The following POC5 variants were observed in gnomAD, a reference collection of about 807,000 sequenced individuals.
POC5 encodes the protein centrosomal protein POC5.
Under a neutral mutation model 62.9 loss-of-function variants are expected in POC5, and 48 were observed. That is an observed-to-expected ratio of 0.76 (90% CI 0.61 to 0.97). POC5 has a LOEUF of 0.97. POC5 is among the 50% of genes least tolerant of loss of function. The pLI is 0.00. For missense variants in POC5, 696 were observed against 679.5 expected (o/e 1.02, Z -0.27); for synonymous variants, 236 against 228.2 (o/e 1.03, Z -0.31).
intron 7 of POC5, 92 bp from the exon 8 acceptor site, chr5:75,690,654 T>G: frequency 9.8e-7 from 1 of 1,024,582 alleles, no homozygotes; most frequent in Non-Finnish European, 1.4e-6. Flanking sequence ...TAAGTGTACA[T>G]ATACACATTA....
At chr5:75,683,277 C>T (rs1035054935) in intron 10 of POC5, among the ~76,000 whole-genome samples, 2 of 151,284 alleles carry the variant, frequency 1.3e-5, no homozygotes, top group Admixed American at 1.3e-4. Context: ...CTGTGTCGCC[C>T]AGGCTGAAGT....
At chr5:75,706,288 A>T (rs915467063) in intron 3 of POC5, among the ~76,000 whole-genome samples, 1 of 152,244 alleles carries the variant, frequency 6.6e-6, no homozygotes, top group African/African-American at 2.4e-5. Flanking sequence ...ATACTTTGCC[A>T]ATTTCCACAT....
intron 5 of POC5, among the ~76,000 whole-genome samples, chr5:75,702,304 A>G (rs1776921182): frequency 6.6e-6 from 1 of 152,182 alleles, no homozygotes; most frequent in African/African-American, 2.4e-5. Context: ...TGTTCACCAC[A>G]TGTATCCCAG....
chr5:75,677,897 T>A lies in POC5; in HGVS notation c.1461A>T (p.Thr487=). 6.2e-7 allele frequency: 1 copy of A among 1,611,598 alleles called. No individual in the cohort carries two copies. Among genetic ancestry groups the A allele is most frequent in the African/African-American group, 1.3e-5 (1 of 74,880 alleles). ...SAQQKAGRTI[T]ARITGRCDFA... ...AATCACATCTTCCTGTGATCCGGGC[T>A]GTAATAGTTCTTCCTGCTTTCTGTT... The change falls in exon 11 of 12, where the codon ACA becomes ACT. Residue 487 remains threonine (T), a synonymous_variant. Coordinates refer to ENST00000428202, the MANE Select transcript of POC5 (RefSeq NM_001099271.2).
intron 10 of POC5, among the ~76,000 whole-genome samples, chr5:75,678,872 C>T (rs749458398): frequency 3.9e-5 from 6 of 152,242 alleles, no homozygotes; most frequent in African/African-American, 1.2e-4. Context: ...AGGAATAACA[C>T]GTAAGTGGAC....
chr5:75,688,992 A>C lies in POC5; in HGVS notation c.1129+20T>G. Reference sequence around the variant, plus strand: ...ATCTTTTTTTGAAATTAGGCAGAGAAACTTTAATGAAATACTAACCTGCAT... The same window carrying C: ...ATCTTTTTTTGAAATTAGGCAGAGACACTTTAATGAAATACTAACCTGCAT... On this transcript the variant is annotated intron_variant, in intron 9 of 11. Coordinates refer to ENST00000428202, the MANE Select transcript of POC5 (RefSeq NM_001099271.2). 1 of 1,522,914 alleles carries C rather than the reference A, an allele frequency of 6.6e-7. No individual in the cohort carries two copies. Among genetic ancestry groups the C allele is most frequent in the Non-Finnish European group, 8.8e-7 (1 of 1,135,118 alleles). 94.3% of individuals were successfully genotyped at this position (1,522,914 alleles called of 1,614,324 possible). A position where few individuals can be genotyped will look rare whatever the true frequency, so the allele number is the denominator to read the frequency against.
Position 75,707,843 on chromosome 5 carries a change from T to C in POC5, c.117A>G (p.Ile39Met), listed in dbSNP as rs187360501. Residue 39 changes from isoleucine (I) to methionine (M), a missense_variant, in exon 3 of 12, where the codon ATA becomes ATG. Physicochemically the swap from Ile to Met is conservative, Grantham distance 10. Transcript: ENST00000428202. ...CACAGGGTTCAATATTTGGAGTCAC[T>C]ATAGCATAATGAAGCAGTTCTTCAT... Reference protein sequence around the residue: ...EEYEELLHYAIVTPNIEPCAS... With the variant: ...EEYEELLHYAMVTPNIEPCAS... 8.2e-6 allele frequency: 13 copies of C among 1,591,678 alleles called. 1 individual carries two copies. The African/African-American group carries it at 1.6e-4, about 20-fold the overall frequency.
chr5:75,694,605 A>G, intron 6 of POC5, 50 bp downstream of exon 6: 1 of 1,315,486 alleles, frequency 7.6e-7, no homozygotes, highest in Non-Finnish European at 1.0e-6. Flanking sequence ...TTTATTATCT[A>G]GCAAGACATT....
intron 5 of POC5, among the ~76,000 whole-genome samples, chr5:75,700,474 T>A (rs1776821795): frequency 6.6e-6 from 1 of 151,866 alleles, no homozygotes; most frequent in Admixed American, 6.6e-5. Context: ...GAGGAAAGGA[T>A]TCCCTATTTA....
chr5:75,677,842 A>G lies in POC5; in HGVS notation c.1516T>C (p.Leu506=). 6.2e-7 allele frequency: 1 copy of G among 1,612,960 alleles called. No individual in the cohort carries two copies. The highest frequency in any genetic ancestry group is 1.7e-4 in the Middle Eastern group (1 of 6,058). The change falls in exon 11 of 12, where the codon TTA becomes CTA. Residue 506 remains leucine (L), a synonymous_variant. Transcript: ENST00000428202. ...GGAGGAGAAACTCCCATTATAGCTAAACTGCTGCTAATTCTATTTTTTGAA... is the reference window on the plus strand; with the variant it reads ...GGAGGAGAAACTCCCATTATAGCTAGACTGCTGCTAATTCTATTTTTTGAA... ...FASKNRISSS[L]AIMGVSPPMS...
At chr5:75,684,928 C>T (rs1483558644) in intron 10 of POC5, among the ~76,000 whole-genome samples, 1 of 148,894 alleles carries the variant, frequency 6.7e-6, no homozygotes, top group Non-Finnish European at 1.5e-5. Context: ...AGTGCAGTGG[C>T]GCGATCTCGG....
intron 5 of POC5, among the ~76,000 whole-genome samples, chr5:75,696,283 G>A (rs1287660001): frequency 6.6e-6 from 1 of 152,178 alleles, no homozygotes; most frequent in African/African-American, 2.4e-5. Context: ...CAAAAAGACA[G>A]CAGTAACCTC....
At position 75,716,383 on chromosome 5, in the gene POC5, TGGGG is replaced by T. The variant is rs34043513; in HGVS notation, c.-15+919_-15+922del. Among the ~76,000 whole-genome samples, 56 of 50,392 alleles carry T rather than the reference TGGGG, an allele frequency of 1.1e-3. 3 individuals are homozygous for T. Among genetic ancestry groups the T allele is most frequent in the East Asian group, 6.9e-3 (12 of 1,732 alleles). The allele number at this position is 50,392 out of a possible 152,430, so 33.1% of individuals were successfully genotyped here. ...TTTGAGACCAGGCAGGTAACAGGGGTGGGGGGGGGGGGGTGCTGATTATTTAAAA... is the reference window on the plus strand; with the variant it reads ...TTTGAGACCAGGCAGGTAACAGGGGTGGGGGGGGGTGCTGATTATTTAAAA... On this transcript the variant is annotated intron_variant, in intron 1 of 11. Coordinates refer to ENST00000428202, the MANE Select transcript of POC5 (RefSeq NM_001099271.2).
chr5:75,703,827 C>G (rs1215508823), intron 4 of POC5, among the ~76,000 whole-genome samples: 1 of 151,656 alleles, frequency 6.6e-6, no homozygotes, highest in Non-Finnish European at 1.5e-5. Context: ...GGGGGAGAGT[C>G]AGGGCCCTAA....
At chr5:75,705,633 CTACA>C (rs1173607474) in intron 4 of POC5, 67 bp downstream of exon 4, 2 of 886,854 alleles carry the variant, frequency 2.3e-6, no homozygotes, top group East Asian at 2.9e-5. Flanking sequence ...ATTCCTCTTA[CTACA>C]TAGATAATAT....
chr5:75,706,047 A>G (rs1001396629), intron 3 of POC5, among the ~76,000 whole-genome samples: 1 of 152,352 alleles, frequency 6.6e-6, no homozygotes, highest in Non-Finnish European at 1.5e-5. Context: ...ATAGCATTCA[A>G]TTCACACTAA....
At chr5:75,701,708 C>G (rs569778713) in intron 5 of POC5, among the ~76,000 whole-genome samples, 547 of 147,942 alleles carry the variant, frequency 3.7e-3, no homozygotes, top group African/African-American at 0.013. Context: ...TACCCTAAAA[C>G]TTAAAGTATA....
intron 8 of POC5, 81 bp downstream of exon 8, chr5:75,690,302 A>G: frequency 7.8e-7 from 1 of 1,277,284 alleles, no homozygotes. Flanking sequence ...AGACCAAAAG[A>G]AGAAGTCTAT....
intron 1 of POC5, among the ~76,000 whole-genome samples, chr5:75,713,707 C>A (rs1363594444): frequency 6.6e-6 from 1 of 152,074 alleles, no homozygotes; most frequent in African/African-American, 2.4e-5. Context: ...TGTAAATAAG[C>A]AGGAAAGGAG....
Sources: allele counts gnomAD v4.1 joint callset (sites outside exome capture counted in the v4.1 genomes callset), GRCh38; gene constraint gnomAD v4.1.1; transcripts MANE v1.5; gene names NCBI Gene and HGNC (gene_info 2026-07-23, HGNC 2026-07-21).